Variants in CACNA2D3 observed in about 807,000 individuals in gnomAD.
CACNA2D3 encodes the protein calcium voltage-gated channel auxiliary subunit alpha2delta 3.
In CACNA2D3, 60 loss-of-function variants were observed where a neutral mutation model predicts 160.6. The ratio of observed to expected loss-of-function variants is 0.37; its 90% CI spans 0.30 to 0.46. CACNA2D3 has a LOEUF of 0.46. CACNA2D3 is among the 20% of genes least tolerant of loss of function. The pLI, the probability that CACNA2D3 is intolerant of heterozygous loss-of-function variation, is 1.00. For synonymous variants in CACNA2D3, 558 were observed against 492.9 expected (o/e 1.13, Z -1.75); for missense variants, 1,205 against 1,365.0 (o/e 0.88, Z 1.85).
At chr3:55,071,290 T>C (rs1704799080) in intron 35 of CACNA2D3, among the ~76,000 whole-genome samples, 1 of 152,166 alleles carries the variant, frequency 6.6e-6, no homozygotes, top group African/African-American at 2.4e-5. Context: ...TTTAAGAGTC[T>C]TTGCCCTTTT....
At chr3:54,574,096 G>C (rs75408293) in intron 8 of CACNA2D3, among the ~76,000 whole-genome samples, 1,755 of 152,272 alleles carry the variant, frequency 0.012, 35 homozygotes, top group African/African-American at 0.041. Context: ...ATTTACGAAA[G>C]AGGACATTAT....
At chr3:54,255,644 A>G (rs1019629098) in intron 2 of CACNA2D3, among the ~76,000 whole-genome samples, 1 of 152,136 alleles carries the variant, frequency 6.6e-6, no homozygotes, top group Non-Finnish European at 1.5e-5. Context: ...CATTGCCGGT[A>G]ACAAAAGTAC....
intron 10 of CACNA2D3, among the ~76,000 whole-genome samples, chr3:54,629,758 G>C (rs142095860): frequency 1.3e-4 from 20 of 152,308 alleles, no homozygotes; most frequent in African/African-American, 4.3e-4. Flanking sequence ...ATATTGAAAA[G>C]ACCTGTTACA....
chr3:54,651,425 GA>G (rs34876732), intron 11 of CACNA2D3, among the ~76,000 whole-genome samples: 89,426 of 134,932 alleles, frequency 0.66, 29,291 homozygotes, highest in Non-Finnish European at 0.74. Flanking sequence ...GTTATCTCGA[GA>G]AAAAAAAAAA....
intron 11 of CACNA2D3, among the ~76,000 whole-genome samples, chr3:54,647,151 G>T (rs910075180): frequency 3.3e-5 from 5 of 152,208 alleles, no homozygotes; most frequent in Non-Finnish European, 7.3e-5. Context: ...CACCTCGATT[G>T]TAGACTTGTA....
At chr3:54,777,755 G>T (rs1702450526) in intron 13 of CACNA2D3, among the ~76,000 whole-genome samples, 1 of 152,106 alleles carries the variant, frequency 6.6e-6, no homozygotes, top group African/African-American at 2.4e-5. Context: ...TTCCTTTGAG[G>T]AACATGGGGT....
intron 3 of CACNA2D3, among the ~76,000 whole-genome samples, chr3:54,345,334 T>C (rs561976197): frequency 7.7e-4 from 118 of 152,362 alleles, no homozygotes; most frequent in African/African-American, 2.7e-3. Flanking sequence ...TTTTGCCTTA[T>C]CTGAGTAGTA....
chr3:54,932,127 C>T (rs944308464), intron 27 of CACNA2D3, among the ~76,000 whole-genome samples: 7 of 151,798 alleles, frequency 4.6e-5, no homozygotes, highest in African/African-American at 1.2e-4. Flanking sequence ...TGCAGTGAGC[C>T]GAGATCACGC....
intron 32 of CACNA2D3, among the ~76,000 whole-genome samples, chr3:55,006,869 G>A (rs1703105782): frequency 6.6e-6 from 1 of 152,234 alleles, no homozygotes; most frequent in Non-Finnish European, 1.5e-5. Flanking sequence ...GGATTAAGCA[G>A]CTCTAGCTGC....
At chr3:54,721,158 C>T (rs937774948) in intron 11 of CACNA2D3, among the ~76,000 whole-genome samples, 1 of 151,994 alleles carries the variant, frequency 6.6e-6, no homozygotes, top group Non-Finnish European at 1.5e-5. Context: ...GCACTTTTCC[C>T]ACTTATATAA....
chr3:54,324,294 A>G (rs1196991913), intron 3 of CACNA2D3, among the ~76,000 whole-genome samples: 1 of 151,850 alleles, frequency 6.6e-6, no homozygotes, highest in Admixed American at 6.6e-5. Context: ...TATTTGAATT[A>G]CTCTCCACTA....
chr3:55,019,363 T>A (rs1437018256), intron 35 of CACNA2D3, among the ~76,000 whole-genome samples: 1 of 152,036 alleles, frequency 6.6e-6, no homozygotes, highest in Non-Finnish European at 1.5e-5. Context: ...TCTGATAGGG[T>A]TTTCATTAAA....
At chr3:54,139,303 G>C (rs1699875370) in intron 2 of CACNA2D3, among the ~76,000 whole-genome samples, 2 of 152,244 alleles carry the variant, frequency 1.3e-5, no homozygotes, top group South Asian at 4.1e-4. Context: ...TCTGTGAGTG[G>C]AGGGAGGCAT....
Position 54,500,685 on chromosome 3 carries a change from C to T in CACNA2D3, c.382-2807C>T, listed in dbSNP as rs150947389. Among the ~76,000 whole-genome samples, 896 of 150,978 alleles carry T rather than the reference C, an allele frequency of 5.9e-3. 10 individuals carry two copies. Among genetic ancestry groups the T allele is most frequent in the African/African-American group, 0.019 (801 of 41,084 alleles). ...TGAACATGTTATGTGACTTAATTTT[C>T]TCTCCTCTCTTAGCATATAAATTAT... On this transcript the variant is annotated intron_variant, in intron 4 of 37. Transcript: ENST00000474759.
intron 27 of CACNA2D3, chr3:54,924,875 T>C (rs758470803): frequency 2.9e-5 from 47 of 1,613,680 alleles, no homozygotes; most frequent in African/African-American, 9.3e-5. Flanking sequence ...AATGGAAAAG[T>C]CTGCTTTCCA....
chr3:54,311,365 A>G (rs1703737662), intron 2 of CACNA2D3, among the ~76,000 whole-genome samples: 1 of 151,962 alleles, frequency 6.6e-6, no homozygotes, highest in Non-Finnish European at 1.5e-5. Flanking sequence ...CCTCATAATG[A>G]CTCATGACCG....
intron 11 of CACNA2D3, among the ~76,000 whole-genome samples, chr3:54,730,659 C>T (rs1157679207): frequency 2.6e-5 from 4 of 152,138 alleles, no homozygotes; most frequent in Admixed American, 6.5e-5. Flanking sequence ...CACACCACCA[C>T]ACCTGGCTGA....
chr3:54,633,559 C>T (rs1343932512), intron 10 of CACNA2D3: 1 of 152,064 alleles, frequency 6.6e-6, no homozygotes, highest in Non-Finnish European at 1.5e-5. Flanking sequence ...TTCTTCCCAC[C>T]TCACAGATTG....
chr3:54,245,479 A>G (rs1702055506), intron 2 of CACNA2D3, among the ~76,000 whole-genome samples: 2 of 152,142 alleles, frequency 1.3e-5, no homozygotes, highest in South Asian at 4.2e-4. Flanking sequence ...GAGGCTTTTG[A>G]CCTAAGGCCA....
Sources: gnomAD v4.1 joint callset for allele counts (sites outside exome capture counted in the v4.1 genomes callset) on GRCh38, gnomAD v4.1.1 for gene constraint, MANE v1.5 for transcripts, NCBI Gene and HGNC (gene_info 2026-07-23, HGNC 2026-07-21) for gene names.